RYR2: variants seen among roughly 807,000 people sequenced by gnomAD.
The protein encoded by RYR2 is cardiac muscle ryanodine receptor-calcium release channel.
A neutral mutation model predicts 601.1 loss-of-function variants in RYR2; 227 were observed. That is an observed-to-expected ratio of 0.38 (90% CI 0.34 to 0.42). The LOEUF is 0.42. RYR2 is among the 10% of genes least tolerant of loss of function. The pLI, the probability that RYR2 is intolerant of heterozygous loss-of-function variation, is 1.00. For missense variants in RYR2, 4,646 were observed against 6,156.5 expected, an observed-to-expected ratio of 0.75 and a Z score of 8.21; for synonymous variants, 2,223 against 2,175.1, an observed-to-expected ratio of 1.02 and a Z score of -0.61.
chr1:237,156,258 A>C (rs1041014172), intron 1 of RYR2, among the ~76,000 whole-genome samples: 1 of 152,246 alleles, frequency 6.6e-6, no homozygotes, highest in Non-Finnish European at 1.5e-5. Context: ...GCTGCACTAC[A>C]TTGTGAAGGT....
rs187175003 is a variant in RYR2, at chr1:237,306,042, A to G, written c.169-24836A>G. Among the ~76,000 whole-genome samples the G allele has an allele frequency of 1.9e-3, 290 of 152,356 alleles. 1 individual carries two copies. Among genetic ancestry groups the G allele is most frequent in the African/African-American group, 6.5e-3 (271 of 41,588 alleles). On this transcript the variant is annotated intron_variant, in intron 2 of 104. Transcript: ENST00000366574. ...AAATGTTGGCAATACATGAAAAATT[A>G]TGTCTTAACTACAATTTTACTAATG...
chr1:237,513,446 G>A (rs547160648), intron 24 of RYR2, among the ~76,000 whole-genome samples: 1 of 152,230 alleles, frequency 6.6e-6, no homozygotes, highest in African/African-American at 2.4e-5. Context: ...CCAGGGACCC[G>A]GAACATAAAA....
At chr1:237,681,248 A>G (rs541053888) in intron 62 of RYR2, among the ~76,000 whole-genome samples, 1 of 152,230 alleles carries the variant, frequency 6.6e-6, no homozygotes, top group African/African-American at 2.4e-5. Context: ...TTGTATCGGA[A>G]CAAAATTTCT....
At chr1:237,639,291 A>G (rs1357934892) in intron 46 of RYR2, 90 bp downstream of exon 46, 1 of 1,231,710 alleles carries the variant, frequency 8.1e-7, no homozygotes, top group Non-Finnish European at 1.1e-6. Context: ...GAATTGTAAT[A>G]TAACTTGTGG....
At chr1:237,410,493 C>G (rs1485910308) in intron 10 of RYR2, among the ~76,000 whole-genome samples, 1 of 152,048 alleles carries the variant, frequency 6.6e-6, no homozygotes, top group Admixed American at 6.6e-5. Flanking sequence ...TAAGGTCAAC[C>G]AATCAAGGCA....
chr1:237,275,312 A>G (rs1690156797), intron 2 of RYR2, among the ~76,000 whole-genome samples: 1 of 152,136 alleles, frequency 6.6e-6, no homozygotes, highest in South Asian at 2.1e-4. Context: ...TAAAATTATA[A>G]GCATGACTAC....
intron 2 of RYR2, among the ~76,000 whole-genome samples, chr1:237,321,005 T>C (rs1470765692): frequency 1.3e-5 from 2 of 150,848 alleles, no homozygotes; most frequent in Non-Finnish European, 2.9e-5. Context: ...TTACCACAAA[T>C]GGACAGGGCA....
At chr1:237,152,261 G>A (rs1203523484) in intron 1 of RYR2, among the ~76,000 whole-genome samples, 1 of 152,128 alleles carries the variant, frequency 6.6e-6, no homozygotes. Context: ...TCATTGATGG[G>A]CATTTGGGTT....
intron 1 of RYR2, among the ~76,000 whole-genome samples, chr1:237,118,021 C>T (rs529141887): frequency 6.6e-6 from 1 of 152,334 alleles, no homozygotes; most frequent in African/African-American, 2.4e-5. Context: ...GTTGGGATTA[C>T]AGGCGTGAGC....
intron 1 of RYR2, among the ~76,000 whole-genome samples, chr1:237,225,935 A>G (rs931606298): frequency 1.3e-5 from 2 of 152,064 alleles, no homozygotes; most frequent in African/African-American, 4.8e-5. Flanking sequence ...CATGCCTATA[A>G]TCCTAGCTAC....
At chr1:237,803,768 C>A (rs1458699453) in intron 98 of RYR2, among the ~76,000 whole-genome samples, 1 of 151,374 alleles carries the variant, frequency 6.6e-6, no homozygotes, top group African/African-American at 2.4e-5. Context: ...TTCATATGGA[C>A]TCCTCCTCTT....
At chr1:237,490,379 GCAAT>G (rs1476400130) in intron 17 of RYR2, among the ~76,000 whole-genome samples, 1 of 152,144 alleles carries the variant, frequency 6.6e-6, no homozygotes, top group Non-Finnish European at 1.5e-5. Context: ...GTGCTCTATA[GCAAT>G]CAATAATGGG....
chr1:237,059,678 T>C (rs1014273016), intron 1 of RYR2, among the ~76,000 whole-genome samples: 3 of 152,156 alleles, frequency 2.0e-5, no homozygotes, highest in African/African-American at 7.2e-5. Flanking sequence ...CATGTATTTA[T>C]TTGGGGATTG....
chr1:237,472,391 T>G (rs1375275694), intron 17 of RYR2, among the ~76,000 whole-genome samples: 3 of 152,154 alleles, frequency 2.0e-5, no homozygotes, highest in Admixed American at 6.5e-5. Context: ...ACCATTCTAG[T>G]CTTTACTGCC....
At chr1:237,794,296 G>C (rs1658819315) in intron 95 of RYR2, among the ~76,000 whole-genome samples, 1 of 150,324 alleles carries the variant, frequency 6.7e-6, no homozygotes, top group Non-Finnish European at 1.5e-5. Flanking sequence ...GGAAGTGCAT[G>C]ACCTGCAGGC....
intron 24 of RYR2, among the ~76,000 whole-genome samples, chr1:237,524,100 T>G (rs1667347541): frequency 1.3e-5 from 2 of 152,180 alleles, no homozygotes; most frequent in African/African-American, 4.8e-5. Flanking sequence ...CTGCAAAGAT[T>G]TACACGTAAA....
intron 1 of RYR2, among the ~76,000 whole-genome samples, chr1:237,204,352 C>T (rs558410308): frequency 1.4e-3 from 209 of 152,248 alleles, no homozygotes; most frequent in Non-Finnish European, 2.4e-3. Flanking sequence ...CTTTTGATTC[C>T]CATATCCTCT....
chr1:237,169,203 C>T (rs1677054101), intron 1 of RYR2, among the ~76,000 whole-genome samples: 1 of 152,076 alleles, frequency 6.6e-6, no homozygotes, highest in African/African-American at 2.4e-5. Flanking sequence ...TCTAATCAGA[C>T]TCTAATTTAC....
chr1:237,293,265 GAC>G (rs1320340847), intron 2 of RYR2, among the ~76,000 whole-genome samples: 1 of 152,164 alleles, frequency 6.6e-6, no homozygotes, highest in African/African-American at 2.4e-5. Context: ...GGAGTGCAGT[GAC>G]ACAGACTCAG....
Sources: gnomAD v4.1 joint callset for allele counts (sites outside exome capture counted in the v4.1 genomes callset) on GRCh38, gnomAD v4.1.1 for gene constraint, MANE v1.5 for transcripts, NCBI Gene and HGNC (gene_info 2026-07-23, HGNC 2026-07-21) for gene names.